Variants in PRKN observed in about 807,000 individuals in gnomAD.
PRKN encodes parkin RBR E3 ubiquitin protein ligase.
In PRKN, 56 loss-of-function variants were observed where a neutral mutation model predicts 59.5. The ratio of observed to expected loss-of-function variants is 0.94; its 90% CI spans 0.76 to 1.18. The LOEUF is 1.18. PRKN is among the 50% of genes most tolerant of loss of function. The pLI, the probability that PRKN is intolerant of heterozygous loss-of-function variation, is 0.00. For missense variants in PRKN, 657 were observed against 596.4 expected, an observed-to-expected ratio of 1.10 and a Z score of -1.06; for synonymous variants, 250 against 222.1, an observed-to-expected ratio of 1.13 and a Z score of -1.12.
chr6:162,123,007 T>TA (rs34578897), intron 4 of PRKN, among the ~76,000 whole-genome samples: 31,540 of 136,866 alleles, frequency 0.23, 3,580 homozygotes, highest in Non-Finnish European at 0.28. Context: ...CAAAAATAGT[T>TA]AAAAAAAAAA....
intron 2 of PRKN, among the ~76,000 whole-genome samples, chr6:162,283,191 A>G (rs573273494): frequency 6.6e-6 from 1 of 152,294 alleles, no homozygotes. Flanking sequence ...AGTTATTTAT[A>G]TGAACAGTTG....
Position 162,089,647 on chromosome 6 carries a change from C to G in PRKN, c.535-35473G>C, listed in dbSNP as rs1043350758. Among the ~76,000 whole-genome samples, 11 of 152,264 alleles carry G rather than the reference C, an allele frequency of 7.2e-5. No individual in the cohort carries two copies. In the East Asian group the frequency reaches 1.9e-3, roughly 27 times the overall value. ...AAGTAGAAACAACCCAGATGCCCAT[C>G]AATTGATGAATACATAAACAAAATG... On this transcript the variant is annotated intron_variant, in intron 4 of 11. Transcript: ENST00000366898.
At position 161,388,681 on chromosome 6, in the gene PRKN, C is replaced by A. The variant is rs115103293; in HGVS notation, c.1084-1804G>T. The stretch of plus-strand genomic sequence containing the variant: ...TGGTGTACCACTTTCTAGGCCCAGG[C>A]CTCAAGAAACCAGAAGCTTCCATTT... On this transcript the variant is annotated intron_variant, in intron 9 of 11. Coordinates refer to ENST00000366898, the MANE Select transcript of PRKN (RefSeq NM_004562.3). This position sits in a 1 kb window ranked among gnomAD's most constrained non-coding sequence, Gnocchi z 4.3. Among the ~76,000 whole-genome samples, 1,983 of 152,318 alleles carry A rather than the reference C, an allele frequency of 0.013. 42 individuals carry two copies. The highest frequency in any genetic ancestry group is 0.046 in the African/African-American group (1,910 of 41,554).
At chr6:162,451,708 T>C (rs919598743) in intron 1 of PRKN, among the ~76,000 whole-genome samples, 2 of 152,122 alleles carry the variant, frequency 1.3e-5, no homozygotes, top group Non-Finnish European at 2.9e-5. Flanking sequence ...GAATAAAGAA[T>C]TGTTTTTAAA....
intron 1 of PRKN, among the ~76,000 whole-genome samples, chr6:162,707,137 T>A (rs1344934787): frequency 6.6e-6 from 1 of 152,114 alleles, no homozygotes; most frequent in Non-Finnish European, 1.5e-5. Flanking sequence ...AAGCAGAGTT[T>A]CCCCAGCAAA....
intron 7 of PRKN, among the ~76,000 whole-genome samples, chr6:161,598,095 GT>G (rs1366631475): frequency 6.6e-6 from 1 of 152,200 alleles, no homozygotes; most frequent in African/African-American, 2.4e-5. Flanking sequence ...CTTAATATCT[GT>G]AGGGCCTAGC....
At chr6:162,414,777 A>C (rs2128156575) in intron 2 of PRKN, among the ~76,000 whole-genome samples, 1 of 150,776 alleles carries the variant, frequency 6.6e-6, no homozygotes, top group African/African-American at 2.4e-5. Flanking sequence ...AGAATAAAAT[A>C]ATCAGAATGG....
At chr6:161,799,636 C>A (rs1790999139) in intron 6 of PRKN, among the ~76,000 whole-genome samples, 2 of 152,218 alleles carry the variant, frequency 1.3e-5, no homozygotes, top group African/African-American at 4.8e-5. Context: ...ATGGGCCAGG[C>A]ACTTAGCATT....
intron 3 of PRKN, among the ~76,000 whole-genome samples, chr6:162,220,698 G>A (rs983229203): frequency 6.6e-6 from 1 of 152,170 alleles, no homozygotes; most frequent in Admixed American, 6.5e-5. Context: ...GTCAGGAAAC[G>A]GAACTCCACA....
intron 6 of PRKN, among the ~76,000 whole-genome samples, chr6:161,891,225 C>T (rs373468716): frequency 1.3e-5 from 2 of 152,174 alleles, no homozygotes; most frequent in African/African-American, 4.8e-5. Flanking sequence ...CTCCCCTTCC[C>T]CTGGGGGCTC....
Position 161,378,931 on chromosome 6 carries a change from G to C in PRKN, c.1167+7863C>G, listed in dbSNP as rs760977050. On this transcript the variant is annotated intron_variant, in intron 10 of 11. Coordinates refer to ENST00000366898, the MANE Select transcript of PRKN (RefSeq NM_004562.3). The surrounding 1 kb of genome is among the most constrained non-coding windows in gnomAD (Gnocchi z 7.3). The stretch of plus-strand genomic sequence containing the variant: ...TTATGCTCTCCATCTGTGCAACCTG[G>C]CCTTGCATATATAGGGGCCCTGGCT... Among the ~76,000 whole-genome samples the C allele has an allele frequency of 6.6e-6, 1 of 152,138 alleles. No homozygotes were observed. Among genetic ancestry groups the C allele is most frequent in the Admixed American group, 6.5e-5 (1 of 15,278 alleles).
chr6:162,719,904 A>AC (rs1562523760), intron 1 of PRKN, among the ~76,000 whole-genome samples: 551 of 8,942 alleles, frequency 0.062, 7 homozygotes, highest in African/African-American at 0.16. Context: ...CAAAAAAAAA[A>AC]AAAAAAAAAA....
At chr6:162,508,322 T>C (rs1005242985) in intron 1 of PRKN, among the ~76,000 whole-genome samples, 9 of 152,166 alleles carry the variant, frequency 5.9e-5, no homozygotes, top group East Asian at 1.9e-4. Context: ...CAAGATGAGA[T>C]TTGGGTGGGC....
rs1308819618 is a variant in PRKN at position 161,400,651 on chromosome 6, T to G, written c.1084-13774A>C. Among the ~76,000 whole-genome samples, 2 of 149,884 alleles carry G rather than the reference T, an allele frequency of 1.3e-5. No individual in the cohort carries two copies. Among genetic ancestry groups the G allele is most frequent in the Admixed American group, 6.6e-5 (1 of 15,050 alleles). On this transcript the variant is annotated intron_variant, in intron 9 of 11. Coordinates refer to ENST00000366898, the MANE Select transcript of PRKN (RefSeq NM_004562.3). The surrounding 1 kb of genome is among the most constrained non-coding windows in gnomAD (Gnocchi z 4.2). Reference sequence around the variant, plus strand: ...TATTCTAAGACAAAGAAATTCAGATTTTTTTTTTTTCGAATAAAGGATGCT... The same window carrying G: ...TATTCTAAGACAAAGAAATTCAGATGTTTTTTTTTTCGAATAAAGGATGCT...
intron 1 of PRKN, among the ~76,000 whole-genome samples, chr6:162,684,248 AT>A (rs541142045): frequency 3.1e-4 from 47 of 150,138 alleles, no homozygotes; most frequent in Non-Finnish European, 4.5e-4. Flanking sequence ...AGATCCTCTG[AT>A]TTTTTTTTTC....
chr6:162,650,037 C>A (rs1011661279), intron 1 of PRKN, among the ~76,000 whole-genome samples: 2 of 152,142 alleles, frequency 1.3e-5, no homozygotes, highest in African/African-American at 2.4e-5. Context: ...CACGGACATA[C>A]GTGACTCTCA....
At chr6:161,604,195 C>CT (rs5881421) in intron 7 of PRKN, among the ~76,000 whole-genome samples, 31,136 of 151,988 alleles carry the variant, frequency 0.2, 7,551 homozygotes, top group African/African-American at 0.59. Context: ...CAATGCTTTT[C>CT]TTTTTTTTCC....
intron 2 of PRKN, among the ~76,000 whole-genome samples, chr6:162,271,816 TA>T (rs1489637942): frequency 7.2e-5 from 11 of 152,272 alleles, no homozygotes; most frequent in Non-Finnish European, 7.4e-5. Flanking sequence ...ATCCTTCATT[TA>T]AAAAAAGGGG....
intron 2 of PRKN, among the ~76,000 whole-genome samples, chr6:162,425,063 GAA>G (rs59878220): frequency 3.1e-4 from 46 of 147,660 alleles, no homozygotes; most frequent in Middle Eastern, 3.5e-3. Context: ...GGATTGACTA[GAA>G]AAAAAAAAAA....
Sources: gnomAD v4.1 joint callset for allele counts (sites outside exome capture counted in the v4.1 genomes callset) on GRCh38, gnomAD v4.1.1 for gene constraint, Gnocchi (gnomAD v3.1) non-coding constraint, MANE v1.5 for transcripts, NCBI Gene and HGNC (gene_info 2026-07-23, HGNC 2026-07-21) for gene names.